ZFHX3: variants seen among roughly 807,000 people sequenced by gnomAD.
ZFHX3 encodes zinc finger homeobox 3.
ZFHX3 carries 42 observed loss-of-function variants against 279.1 expected under a neutral mutation model. The observed-to-expected ratio is 0.15, with a 90% CI of 0.12 to 0.19. ZFHX3 has a LOEUF of 0.19. ZFHX3 is among the 10% of genes least tolerant of loss of function. The probability of loss-of-function intolerance (pLI) is 1.00; values close to 1 mark genes in which losing one functional copy is unlikely to be tolerated. For synonymous variants in ZFHX3, 2,293 were observed against 1,957.8 expected, an observed-to-expected ratio of 1.17 and a Z score of -4.52; for missense variants, 4,981 against 4,754.0, an observed-to-expected ratio of 1.05 and a Z score of -1.40.
At chr16:73,650,613 C>G (rs1424873809) in intron 2 of ZFHX3, among the ~76,000 whole-genome samples, 2 of 152,160 alleles carry the variant, frequency 1.3e-5, no homozygotes, top group Non-Finnish European at 2.9e-5. Flanking sequence ...AAATCACTTC[C>G]ACCCTTTGGA....
intron 2 of ZFHX3, among the ~76,000 whole-genome samples, chr16:73,502,769 C>G (rs1040935363): frequency 6.6e-5 from 10 of 152,186 alleles, no homozygotes; most frequent in Admixed American, 1.3e-4. Context: ...GCTGCACACC[C>G]ACTAGAGCTA....
chr16:73,873,468 A>C (rs1462179400), intron 1 of ZFHX3, among the ~76,000 whole-genome samples: 1 of 150,590 alleles, frequency 6.6e-6, no homozygotes, highest in Non-Finnish European at 1.5e-5. Context: ...TCTTTATCCT[A>C]AGTGGCATAT....
chr16:73,632,568 C>CT (rs2052485318), intron 2 of ZFHX3, among the ~76,000 whole-genome samples: 1 of 151,958 alleles, frequency 6.6e-6, no homozygotes, highest in Non-Finnish European at 1.5e-5. Flanking sequence ...CACCTGTAGT[C>CT]CCAGCTACTC....
At chr16:73,256,444 C>T (rs1038729466) in intron 5 of ZFHX3, among the ~76,000 whole-genome samples, 8 of 152,126 alleles carry the variant, frequency 5.3e-5, no homozygotes, top group Non-Finnish European at 1.2e-4. Flanking sequence ...TTTACGATGG[C>T]GGTTCTCAAA....
rs1316271082 is a variant in ZFHX3 at position 73,870,430 on chromosome 16, G to C, written c.-1608+21221C>G. 9.2e-5 allele frequency among the ~76,000 whole-genome samples: 14 copies of C among 152,324 alleles called. No individual in the cohort carries two copies. The East Asian group carries it at 2.7e-3, about 29-fold the overall frequency. ...GGAGGAGAGACAAGACTCAAGGAGA[G>C]AGAAACCAAAACGAGGGCGGAAGGA... On this transcript the variant is annotated intron_variant, in intron 1 of 17. Transcript: ENST00000641206.
At chr16:73,403,633 T>C (rs2017302224) in intron 3 of ZFHX3, among the ~76,000 whole-genome samples, 1 of 152,132 alleles carries the variant, frequency 6.6e-6, no homozygotes, top group South Asian at 2.1e-4. Context: ...ACCGTGGAGT[T>C]GAACAATAGG....
At chr16:73,320,151 T>C (rs2015546442) in intron 3 of ZFHX3, among the ~76,000 whole-genome samples, 2 of 152,332 alleles carry the variant, frequency 1.3e-5, no homozygotes, top group East Asian at 3.9e-4. Flanking sequence ...CTCAGTTCTG[T>C]GTCTCAGTCG....
At position 72,794,308 on chromosome 16, in the gene ZFHX3, T is replaced by C; in HGVS notation, c.8374A>G (p.Met2792Val). ...GVPLSPVSKT[M>V]ELSPRTLLSP... ...AGAAGAGTTCTGGGTGACAATTCCA[T>C]GGTTTTACTCACAGGTGAGAGGGGG... The change falls in exon 9 of 10, where the codon ATG becomes GTG. Residue 2792 changes from methionine to valine, a missense_variant. This residue lies in a region of ZFHX3 where 744 missense variants were observed against 701.3 expected (regional missense o/e 1.06). Coordinates refer to ENST00000268489, the MANE Select transcript of ZFHX3 (RefSeq NM_006885.4). This position sits in a 1 kb window ranked among gnomAD's most constrained non-coding sequence, Gnocchi z 4.2. 1 of 1,610,200 alleles carries C rather than the reference T, an allele frequency of 6.2e-7. No homozygotes were observed. Among genetic ancestry groups the C allele is most frequent in the East Asian group, 2.2e-5 (1 of 44,836 alleles).
chr16:73,600,138 C>G (rs1597020377), intron 2 of ZFHX3, among the ~76,000 whole-genome samples: 1 of 152,048 alleles, frequency 6.6e-6, no homozygotes, highest in East Asian at 1.9e-4. Flanking sequence ...GCAGTTGCAC[C>G]CAAACTGTAA....
At chr16:73,237,528 C>CTT (rs886922274) in intron 5 of ZFHX3, among the ~76,000 whole-genome samples, 3,140 of 83,996 alleles carry the variant, frequency 0.037, 24 homozygotes, top group Non-Finnish European at 0.05. Context: ...CAAATGCAGC[C>CTT]TTTTTTTTTT....
chr16:73,483,386 G>A (rs1281475986), intron 2 of ZFHX3: 1 of 455,506 alleles, frequency 2.2e-6, no homozygotes, highest in Non-Finnish European at 4.4e-6. Flanking sequence ...AAGAGAGCCG[G>A]GAGCCAGGGT....
At chr16:73,131,070 C>A (rs111335677) in exon 7 of ZFHX3, 15 of 1,033,228 alleles carry the variant, frequency 1.5e-5, no homozygotes, top group Middle Eastern at 2.4e-4. Context: ...CTCTTGTTAA[C>A]TTCTTTGTGT....
intron 3 of ZFHX3, among the ~76,000 whole-genome samples, chr16:73,349,261 G>A (rs1271589490): frequency 6.6e-6 from 1 of 152,132 alleles, no homozygotes; most frequent in East Asian, 1.9e-4. Context: ...TCCCCCAGCT[G>A]CTTGTCACAC....
chr16:73,193,771 T>C (rs957908233), intron 5 of ZFHX3, among the ~76,000 whole-genome samples: 1 of 152,142 alleles, frequency 6.6e-6, no homozygotes. Context: ...CCTATGTCCT[T>C]GGGAAGCCGC....
chr16:73,515,273 T>C (rs1238975076), intron 2 of ZFHX3, among the ~76,000 whole-genome samples: 1 of 152,204 alleles, frequency 6.6e-6, no homozygotes, highest in Non-Finnish European at 1.5e-5. Flanking sequence ...TTCTGTGCAC[T>C]GGGGGATGTG....
chr16:73,478,371 C>G (rs969646900), intron 2 of ZFHX3, among the ~76,000 whole-genome samples: 8 of 151,948 alleles, frequency 5.3e-5, no homozygotes, highest in African/African-American at 1.9e-4. Flanking sequence ...TGATGCTCTA[C>G]CAACTGAGCT....
At chr16:73,325,902 A>AAC (rs112302302) in intron 3 of ZFHX3, among the ~76,000 whole-genome samples, 3,815 of 91,270 alleles carry the variant, frequency 0.042, 82 homozygotes, top group Admixed American at 0.11. Flanking sequence ...CACACACACA[A>AAC]ACACACACAC....
At chr16:73,192,236 C>A (rs1031814112) in intron 5 of ZFHX3, among the ~76,000 whole-genome samples, 1 of 152,126 alleles carries the variant, frequency 6.6e-6, no homozygotes, top group South Asian at 2.1e-4. Context: ...TTGCAAAGCC[C>A]TCCCTGCCCC....
intron 3 of ZFHX3, among the ~76,000 whole-genome samples, chr16:72,922,260 C>T (rs141671650): frequency 5.3e-5 from 8 of 152,302 alleles, no homozygotes; most frequent in African/African-American, 1.2e-4. Flanking sequence ...TACTGCAACT[C>T]GCCCCTCTGG....
Sources: gnomAD v4.1 joint callset for allele counts (sites outside exome capture counted in the v4.1 genomes callset) on GRCh38, gnomAD v4.1.1 for gene constraint, gnomAD v4.1.1 regional missense constraint, Gnocchi (gnomAD v3.1) non-coding constraint, MANE v1.5 for transcripts, NCBI Gene and HGNC (gene_info 2026-07-23, HGNC 2026-07-21) for gene names.